Variants in MEGF9 observed in about 807,000 individuals in gnomAD.
MEGF9 encodes multiple epidermal growth factor-like domains protein 9.
MEGF9 carries 6 observed loss-of-function variants against 46.8 expected under a neutral mutation model. That is an observed-to-expected ratio of 0.13 (90% CI 0.07 to 0.25). The LOEUF is 0.25. MEGF9 is among the 10% of genes least tolerant of loss of function. The probability of loss-of-function intolerance (pLI) is 1.00; values close to 1 mark genes in which losing one functional copy is unlikely to be tolerated. For synonymous variants in MEGF9, 302 were observed against 330.7 expected (o/e 0.91, Z 0.94); for missense variants, 683 against 792.4 (o/e 0.86, Z 1.66).
At chr9:120,703,609 TGTAAGTC>T (rs2043914848) in intron 1 of MEGF9, among the ~76,000 whole-genome samples, 1 of 152,222 alleles carries the variant, frequency 6.6e-6, no homozygotes, top group Non-Finnish European at 1.5e-5. Context: ...AAGGTAACAG[TGTAAGTC>T]TCTTTGCTAT....
At chr9:120,677,754 G>C (rs1469786281) in intron 1 of MEGF9, among the ~76,000 whole-genome samples, 1 of 152,154 alleles carries the variant, frequency 6.6e-6, no homozygotes, top group East Asian at 1.9e-4. Flanking sequence ...ACTTCTATTT[G>C]AACCTAGGCA....
intron 2 of MEGF9, among the ~76,000 whole-genome samples, chr9:120,645,075 A>G (rs1372783147): frequency 6.6e-6 from 1 of 152,198 alleles, no homozygotes; most frequent in African/African-American, 2.4e-5. Context: ...TTAGTTACAT[A>G]AGTATAGCAT....
At chr9:120,707,203 A>G (rs114403053) in intron 1 of MEGF9, among the ~76,000 whole-genome samples, 237 of 152,338 alleles carry the variant, frequency 1.6e-3, no homozygotes, top group African/African-American at 5.5e-3. Flanking sequence ...CCAGGAACAT[A>G]GTAAGTGTGC....
intron 1 of MEGF9, among the ~76,000 whole-genome samples, chr9:120,696,872 A>T (rs2043879453): frequency 6.6e-6 from 1 of 152,208 alleles, no homozygotes; most frequent in South Asian, 2.1e-4. Context: ...TGATCTGACC[A>T]CTGTACTTAT....
At chr9:120,624,661 G>A (rs940489298) in intron 2 of MEGF9, among the ~76,000 whole-genome samples, 6 of 152,126 alleles carry the variant, frequency 3.9e-5, no homozygotes, top group Non-Finnish European at 5.9e-5. Flanking sequence ...GAGGTCACAA[G>A]TTCAAGACCA....
At chr9:120,643,762 A>G (rs2043614310) in intron 2 of MEGF9, among the ~76,000 whole-genome samples, 1 of 149,340 alleles carries the variant, frequency 6.7e-6, no homozygotes, top group Non-Finnish European at 1.5e-5. Flanking sequence ...TGGTGCCATC[A>G]TGGCTCACTA....
chr9:120,632,710 T>C (rs1393236857), intron 2 of MEGF9, among the ~76,000 whole-genome samples: 4 of 152,220 alleles, frequency 2.6e-5, no homozygotes, highest in Non-Finnish European at 5.9e-5. Flanking sequence ...TTCCCCACTC[T>C]GTATGATGCT....
intron 2 of MEGF9, among the ~76,000 whole-genome samples, chr9:120,641,455 T>C (rs777042203): frequency 1.3e-4 from 20 of 152,184 alleles, no homozygotes; most frequent in Non-Finnish European, 2.4e-4. Flanking sequence ...AAACAAAGAA[T>C]AGAGGTTGAA....
At chr9:120,679,270 T>C (rs1055005415) in intron 1 of MEGF9, among the ~76,000 whole-genome samples, 13 of 152,158 alleles carry the variant, frequency 8.5e-5, no homozygotes, top group African/African-American at 3.1e-4. Context: ...GTGGCACATA[T>C]ACACCATGGA....
rs1189558240 is a variant in MEGF9 at position 120,605,301 on chromosome 9, A to G, written c.1698T>C (p.His566=). 1.2e-6 allele frequency: 2 copies of G among 1,613,888 alleles called. No homozygotes were observed. The highest frequency in any genetic ancestry group is 2.7e-5 in the African/African-American group (2 of 74,926). ...AAACATCTGCATTGGGAATGCTGTC[A>G]TGGTAGCTGCTGAAACTGATATTGT... is the stretch of plus-strand genomic sequence containing the variant. ...KEDNISFSSY[H]DSIPNADVSG... is the part of the protein sequence containing the mutation. Residue 566 remains histidine, a synonymous_variant, in exon 6 of 6, where the codon CAT becomes CAC. Coordinates refer to ENST00000373930, the MANE Select transcript of MEGF9 (RefSeq NM_001080497.3). The surrounding 1 kb of genome is among the most constrained non-coding windows in gnomAD (Gnocchi z 4.0).
intron 1 of MEGF9, among the ~76,000 whole-genome samples, chr9:120,688,740 T>C (rs1052476069): frequency 2.0e-5 from 3 of 152,078 alleles, no homozygotes; most frequent in African/African-American, 7.3e-5. Context: ...AGGAAGCGTA[T>C]GGTAAGTATA....
chr9:120,652,223 T>A (rs1242231608), intron 2 of MEGF9, among the ~76,000 whole-genome samples: 4 of 126,150 alleles, frequency 3.2e-5, no homozygotes, highest in African/African-American at 1.2e-4. Context: ...TGGTGGCTCC[T>A]GCCTGCAATC....
At chr9:120,636,359 G>A (rs573364149) in intron 2 of MEGF9, among the ~76,000 whole-genome samples, 9 of 152,254 alleles carry the variant, frequency 5.9e-5, no homozygotes, top group African/African-American at 2.2e-4. Context: ...CAGTGGTATA[G>A]TCTTCATGAA....
At position 120,640,245 on chromosome 9, in the gene MEGF9, T is replaced by A. The variant is rs767225379; in HGVS notation, c.804-17490A>T. 9.9e-5 allele frequency among the ~76,000 whole-genome samples: 15 copies of A among 152,208 alleles called. 1 individual carries two copies. Among genetic ancestry groups the A allele is most frequent in the Admixed American group, 2.6e-4 (4 of 15,276 alleles). ...TGCTGTTGCTCAAATACATCAGGCA[T>A]CTTCCTGCATCAGGGACTCTACTTG... is the stretch of plus-strand genomic sequence containing the variant. On this transcript the variant is annotated intron_variant, in intron 2 of 5. Transcript: ENST00000373930.
intron 2 of MEGF9, among the ~76,000 whole-genome samples, chr9:120,644,634 A>G (rs937113038): frequency 1.3e-5 from 2 of 152,206 alleles, no homozygotes; most frequent in Non-Finnish European, 2.9e-5. Flanking sequence ...GGGCAAATTA[A>G]GCCTCAGTTT....
At chr9:120,610,670 C>T (rs1349341050) in intron 4 of MEGF9, among the ~76,000 whole-genome samples, 1 of 152,150 alleles carries the variant, frequency 6.6e-6, no homozygotes, top group African/African-American at 2.4e-5. Flanking sequence ...CCTCTTGGTG[C>T]ATCCACTATA....
intron 1 of MEGF9, among the ~76,000 whole-genome samples, chr9:120,675,760 C>T (rs1194459589): frequency 5.3e-5 from 8 of 151,384 alleles, no homozygotes; most frequent in South Asian, 4.2e-4. Context: ...TGGTGGCGGG[C>T]GCCTGTAATC....
At position 120,605,143 on chromosome 9, in the gene MEGF9, G is replaced by A. The variant is rs1268000529; in HGVS notation, c.*47C>T. The A allele has an allele frequency of 6.5e-7, 1 of 1,548,468 alleles. No homozygotes were observed. Among genetic ancestry groups the A allele is most frequent in the Non-Finnish European group, 8.7e-7 (1 of 1,144,714 alleles). On this transcript the variant is annotated 3_prime_UTR_variant, in exon 6 of 6. Transcript: ENST00000373930. The surrounding 1 kb of genome is among the most constrained non-coding windows in gnomAD (Gnocchi z 4.0). ...TTTGTCTGGCCCAGGGGCTGACTCT[G>A]TCTTAGCAAGCACTGTGGTTTAACA... is the stretch of plus-strand genomic sequence containing the variant.
At chr9:120,704,714 T>C (rs2043920644) in intron 1 of MEGF9, among the ~76,000 whole-genome samples, 1 of 152,116 alleles carries the variant, frequency 6.6e-6, no homozygotes, top group Admixed American at 6.6e-5. Flanking sequence ...ATCAACAAAA[T>C]GTGAATTGCA....
Sources: gnomAD v4.1 joint callset for allele counts (sites outside exome capture counted in the v4.1 genomes callset) on GRCh38, gnomAD v4.1.1 for gene constraint, Gnocchi (gnomAD v3.1) non-coding constraint, MANE v1.5 for transcripts, NCBI Gene and HGNC (gene_info 2026-07-23, HGNC 2026-07-21) for gene names.